CLSTN2: variants seen among roughly 807,000 people sequenced by gnomAD.
CLSTN2 encodes the protein calsyntenin-2.
Under a neutral mutation model 101.2 loss-of-function variants are expected in CLSTN2, and 48 were observed. The observed-to-expected ratio is 0.47, with a 90% CI of 0.38 to 0.60. The LOEUF is 0.60. CLSTN2 is among the 20% of genes least tolerant of loss of function. The probability of loss-of-function intolerance (pLI) is 0.00; values close to 1 mark genes in which losing one functional copy is unlikely to be tolerated. For missense variants in CLSTN2, 1,160 were observed against 1,238.2 expected (o/e 0.94, Z 0.95); for synonymous variants, 481 against 463.6 (o/e 1.04, Z -0.48).
chr3:140,415,016 C>T (rs200869004), intron 4 of CLSTN2, among the ~76,000 whole-genome samples: 2 of 151,410 alleles, frequency 1.3e-5, no homozygotes, highest in East Asian at 3.9e-4. Context: ...GAATAGAGAA[C>T]CCAGAAATAA....
At chr3:140,561,535 A>G (rs978653389) in intron 12 of CLSTN2, among the ~76,000 whole-genome samples, 5 of 152,228 alleles carry the variant, frequency 3.3e-5, no homozygotes, top group Admixed American at 1.3e-4. Context: ...TGGTTATATC[A>G]TATTGACTTG....
At chr3:140,495,407 T>C (rs1273911639) in intron 8 of CLSTN2, among the ~76,000 whole-genome samples, 1 of 152,220 alleles carries the variant, frequency 6.6e-6, no homozygotes, top group Non-Finnish European at 1.5e-5. Flanking sequence ...TCCCATTCTA[T>C]AGGTTGTCTG....
At chr3:140,124,062 T>C (rs2009390655) in intron 1 of CLSTN2, among the ~76,000 whole-genome samples, 1 of 151,842 alleles carries the variant, frequency 6.6e-6, no homozygotes, top group Non-Finnish European at 1.5e-5. Context: ...AACATAATTA[T>C]AAAAGAGGTG....
intron 1 of CLSTN2, among the ~76,000 whole-genome samples, chr3:139,972,058 G>A (rs982681698): frequency 1.3e-5 from 2 of 152,290 alleles, no homozygotes; most frequent in Admixed American, 6.5e-5. Flanking sequence ...GAGGTCAGGA[G>A]TTCAAGACCA....
At chr3:140,180,610 T>G (rs542625245) in intron 2 of CLSTN2, among the ~76,000 whole-genome samples, 19 of 152,142 alleles carry the variant, frequency 1.2e-4, no homozygotes, top group Non-Finnish European at 2.5e-4. Context: ...TAGGAAACTG[T>G]GGAGACTTTT....
chr3:139,940,045 A>G (rs1246001992), intron 1 of CLSTN2, among the ~76,000 whole-genome samples: 1 of 152,062 alleles, frequency 6.6e-6, no homozygotes, highest in African/African-American at 2.4e-5. Flanking sequence ...CTTCTGAGTG[A>G]CTTGCCTCTC....
chr3:140,167,291 T>C (rs2010149431), intron 1 of CLSTN2, among the ~76,000 whole-genome samples: 1 of 152,236 alleles, frequency 6.6e-6, no homozygotes, highest in African/African-American at 2.4e-5. Flanking sequence ...CTTTTATCAT[T>C]GGGCCTTTGC....
At position 140,576,806 on chromosome 3, in the gene CLSTN2, C is replaced by T. The variant is rs1985745356; in HGVS notation, c.*10553C>T. 6.6e-6 allele frequency: 1 copy of T among 152,248 alleles called. No homozygotes were observed. Among genetic ancestry groups the T allele is most frequent in the African/African-American group, 2.4e-5 (1 of 41,460 alleles). The allele number at this position is 152,248 out of a possible 1,614,324, so 9.4% of individuals were successfully genotyped here. On this transcript the variant is annotated 3_prime_UTR_variant, in exon 17 of 17. Transcript: ENST00000458420. The stretch of plus-strand genomic sequence containing the variant: ...GTATCAGACTTCTGAGCTCTTCAAG[C>T]TGCCTCAAAGAATGAATCTTTTTAG...
At chr3:140,430,681 G>A (rs550587485) in intron 5 of CLSTN2, among the ~76,000 whole-genome samples, 60 of 152,346 alleles carry the variant, frequency 3.9e-4, no homozygotes, top group African/African-American at 1.4e-3. Flanking sequence ...TGGGTGATTA[G>A]ATGCGTAGCA....
intron 1 of CLSTN2, among the ~76,000 whole-genome samples, chr3:140,030,082 A>G (rs778659953): frequency 6.6e-6 from 1 of 152,134 alleles, no homozygotes; most frequent in Non-Finnish European, 1.5e-5. Flanking sequence ...CAGCACCAAG[A>G]TTTGTCAGGA....
chr3:140,526,099 A>G (rs1171671077), intron 8 of CLSTN2, among the ~76,000 whole-genome samples: 3 of 152,232 alleles, frequency 2.0e-5, no homozygotes, highest in South Asian at 2.1e-4. Flanking sequence ...AGAGAAAGAA[A>G]TAAAATGCAT....
intron 1 of CLSTN2, among the ~76,000 whole-genome samples, chr3:139,950,134 G>A (rs532708133): frequency 3.9e-5 from 6 of 152,250 alleles, no homozygotes; most frequent in African/African-American, 9.6e-5. Context: ...ATGAACAAAC[G>A]GGAGTCTCTC....
At chr3:140,441,141 C>T (rs1279666866) in intron 5 of CLSTN2, among the ~76,000 whole-genome samples, 1 of 152,182 alleles carries the variant, frequency 6.6e-6, no homozygotes, top group East Asian at 1.9e-4. Context: ...AGAAGCAAGA[C>T]ATTCTTTTCT....
intron 1 of CLSTN2, among the ~76,000 whole-genome samples, chr3:140,044,121 G>C (rs1454970777): frequency 6.6e-6 from 1 of 152,162 alleles, no homozygotes; most frequent in African/African-American, 2.4e-5. Flanking sequence ...ACCTTGGGCA[G>C]TATGGCCATT....
At chr3:140,379,993 G>C (rs2087961763) in intron 2 of CLSTN2, among the ~76,000 whole-genome samples, 1 of 151,962 alleles carries the variant, frequency 6.6e-6, no homozygotes, top group African/African-American at 2.4e-5. Context: ...CATAAAAATT[G>C]ACAATGAAAC....
chr3:140,141,484 GTTA>G (rs1560107412), intron 1 of CLSTN2, among the ~76,000 whole-genome samples: 1 of 152,182 alleles, frequency 6.6e-6, no homozygotes, highest in South Asian at 2.1e-4. Context: ...ATTCTAGGAA[GTTA>G]TTATTGTTGA....
chr3:140,307,309 T>A, intron 2 of CLSTN2, among the ~76,000 whole-genome samples: 1 of 152,166 alleles, frequency 6.6e-6, no homozygotes, highest in East Asian at 1.9e-4. Context: ...CCAAACCCTG[T>A]CTAGCTTCCT....
intron 1 of CLSTN2, among the ~76,000 whole-genome samples, chr3:140,138,095 C>T (rs2009642339): frequency 6.6e-6 from 1 of 152,096 alleles, no homozygotes; most frequent in Admixed American, 6.5e-5. Context: ...TTACACTTAC[C>T]CTTGCTTAAA....
At chr3:140,222,266 T>G (rs1239973203) in intron 2 of CLSTN2, among the ~76,000 whole-genome samples, 1 of 151,984 alleles carries the variant, frequency 6.6e-6, no homozygotes, top group East Asian at 1.9e-4. Flanking sequence ...AGCTAAAAAT[T>G]AAAAGAACTC....
Sources: gnomAD v4.1 joint callset for allele counts (sites outside exome capture counted in the v4.1 genomes callset) on GRCh38, gnomAD v4.1.1 for gene constraint, MANE v1.5 for transcripts, NCBI Gene and HGNC (gene_info 2026-07-23, HGNC 2026-07-21) for gene names.